RUFY3: variants seen among roughly 807,000 people sequenced by gnomAD.
RUFY3 encodes RUN and FYVE domain containing 3.
Under a neutral mutation model 84.0 loss-of-function variants are expected in RUFY3, and 34 were observed. That is an observed-to-expected ratio of 0.40 (90% CI 0.31 to 0.54). RUFY3 has a LOEUF of 0.54. Among genes scored for constraint, RUFY3 ranks in the 20% least tolerant of loss-of-function variants. RUFY3 has a pLI of 0.39. For synonymous variants in RUFY3, 242 were observed against 252.9 expected (o/e 0.96, Z 0.41); for missense variants, 507 against 736.8 (o/e 0.69, Z 3.61).
chr4:70,753,298 A>G (rs1723435237), intron 1 of RUFY3, among the ~76,000 whole-genome samples: 1 of 152,190 alleles, frequency 6.6e-6, no homozygotes, highest in East Asian at 1.9e-4. Context: ...TGATCAGTCT[A>G]GCTAAATGTC....
At chr4:70,781,745 A>C (rs1728958415) in intron 8 of RUFY3, among the ~76,000 whole-genome samples, 1 of 152,220 alleles carries the variant, frequency 6.6e-6, no homozygotes, top group Non-Finnish European at 1.5e-5. Flanking sequence ...CTCTGTGCTT[A>C]CCATGTTAGG....
At position 70,705,258 on chromosome 4, in the gene RUFY3, A is replaced by AGCG. The variant is rs758130707; in HGVS notation, c.334_336dup (p.Gly112dup). ...GCCCTTCCTGCTGCTGAGCTACCCG[A>AGCG]GCGGCGGCGGCGGCAGCAGCGGCAG... On this transcript the variant is annotated inframe_insertion, in exon 1 of 12. Coordinates refer to the RUFY3 transcript ENST00000417478. 249 of 1,439,620 alleles carry AGCG rather than the reference A, an allele frequency of 1.7e-4. 1 individual carries two copies. The highest frequency in any genetic ancestry group is 2.4e-4 in the Middle Eastern group (1 of 4,114). 89.2% of individuals were successfully genotyped at this position (1,439,620 alleles called of 1,614,324 possible). A position where few individuals can be genotyped will look rare whatever the true frequency, so the allele number is the denominator to read the frequency against.
chr4:70,762,319 A>T (rs1429005238), intron 1 of RUFY3, among the ~76,000 whole-genome samples, 200 bp from the exon 2 acceptor site: 1 of 152,204 alleles, frequency 6.6e-6, no homozygotes, highest in Non-Finnish European at 1.5e-5. Context: ...TGTCTCAAAG[A>T]AAAAAAGAAA....
At chr4:70,773,985 T>G (rs557733348) in intron 6 of RUFY3, among the ~76,000 whole-genome samples, 1 of 152,326 alleles carries the variant, frequency 6.6e-6, no homozygotes, top group East Asian at 1.9e-4. Flanking sequence ...TGAAGGTACA[T>G]GGGAACTCTG....
intron 1 of RUFY3, among the ~76,000 whole-genome samples, chr4:70,725,634 A>G (rs979285607): frequency 6.6e-6 from 1 of 152,136 alleles, no homozygotes; most frequent in African/African-American, 2.4e-5. Context: ...CCCGGCTTAT[A>G]TACTCTTATT....
upstream of RUFY3, among the ~76,000 whole-genome samples, chr4:70,720,490 C>T (rs2148581117): frequency 6.6e-6 from 1 of 152,246 alleles, no homozygotes; most frequent in South Asian, 2.1e-4. Flanking sequence ...AGCCATCCGC[C>T]CTGTCTTCGT....
At chr4:70,800,100 A>G (rs1471190164) in intron 14 of RUFY3, 41 bp from the exon 15 acceptor site, 2 of 1,573,532 alleles carry the variant, frequency 1.3e-6, no homozygotes, top group Admixed American at 3.6e-5. Context: ...ATTATTTAGC[A>G]TTCTGAATAA....
rs1732938801 is a variant in RUFY3 at position 70,807,283 on chromosome 4, T to G, written c.*624T>G. On this transcript the variant is annotated 3_prime_UTR_variant, in exon 18 of 18. Coordinates refer to ENST00000381006, the MANE Select transcript of RUFY3 (RefSeq NM_001037442.4). The stretch of plus-strand genomic sequence containing the variant: ...ATTTCAGGACCAGAATTTTCTGGTC[T>G]TTACCTACAAGGGTTTTCATTATCA... 1 of 152,136 alleles carries G rather than the reference T, an allele frequency of 6.6e-6. No homozygotes were observed. Among genetic ancestry groups the G allele is most frequent in the South Asian group, 2.1e-4 (1 of 4,826 alleles). 9.4% of individuals were successfully genotyped at this position (152,136 alleles called of 1,614,324 possible). A position where few individuals can be genotyped will look rare whatever the true frequency, so the allele number is the denominator to read the frequency against.
intron 1 of RUFY3, among the ~76,000 whole-genome samples, chr4:70,740,873 A>G (rs1040754170): frequency 6.6e-6 from 1 of 152,102 alleles, no homozygotes; most frequent in African/African-American, 2.4e-5. Context: ...AATGAAAAGC[A>G]TTTTTCACAA....
At chr4:70,796,076 CTA>C (rs1731463039) in intron 14 of RUFY3, among the ~76,000 whole-genome samples, 1 of 152,084 alleles carries the variant, frequency 6.6e-6, no homozygotes. Context: ...CCTCTAGTCT[CTA>C]GTCCCAGCTA....
At chr4:70,708,093 T>C (rs1448461759) in intron 1 of RUFY3, among the ~76,000 whole-genome samples, 2 of 152,252 alleles carry the variant, frequency 1.3e-5, no homozygotes, top group Non-Finnish European at 2.9e-5. Flanking sequence ...ATTGCACTCC[T>C]GCCTGAGCAA....
Position 70,806,811 on chromosome 4 carries a change from G to A in RUFY3, c.*152G>A. On this transcript the variant is annotated 3_prime_UTR_variant, in exon 18 of 18. Coordinates refer to ENST00000381006, the MANE Select transcript of RUFY3 (RefSeq NM_001037442.4). ...CCAGGGAGAAAAGGCAGTGGTTGGG[G>A]TTACTGGAAATTTTGCTCATTTTCT... The A allele has an allele frequency of 1.1e-6, 1 of 918,676 alleles. No homozygotes were observed. 56.9% of individuals were successfully genotyped at this position (918,676 alleles called of 1,614,324 possible).
At chr4:70,786,361 C>T (rs565468910) in intron 10 of RUFY3, among the ~76,000 whole-genome samples, 8 of 150,972 alleles carry the variant, frequency 5.3e-5, no homozygotes, top group Non-Finnish European at 7.4e-5. Context: ...CAATAATACA[C>T]ATTTTAATAT....
At chr4:70,766,911 A>C (rs1198831183) in intron 4 of RUFY3, among the ~76,000 whole-genome samples, 1 of 151,996 alleles carries the variant, frequency 6.6e-6, no homozygotes, top group East Asian at 1.9e-4. Flanking sequence ...TCCAACCCCT[A>C]ATAACCACTG....
intron 8 of RUFY3, among the ~76,000 whole-genome samples, chr4:70,778,948 CTG>C (rs1162499261): frequency 6.6e-6 from 1 of 152,164 alleles, no homozygotes; most frequent in Non-Finnish European, 1.5e-5. Context: ...CCCAATTAGA[CTG>C]TGTAGGGGCA....
At chr4:70,731,036 C>T (rs1719174103) in intron 1 of RUFY3, among the ~76,000 whole-genome samples, 1 of 149,602 alleles carries the variant, frequency 6.7e-6, no homozygotes, top group Non-Finnish European at 1.5e-5. Context: ...TTGGTGATTG[C>T]CATCTTTTTT....
chr4:70,791,945 T>G, intron 12 of RUFY3: 1 of 984,394 alleles, frequency 1.0e-6, no homozygotes, highest in Non-Finnish European at 1.2e-6. Context: ...CATCCTTATA[T>G]TTCTTTAAAA....
chr4:70,711,320 T>C (rs1031730502), intron 1 of RUFY3, among the ~76,000 whole-genome samples: 1 of 152,004 alleles, frequency 6.6e-6, no homozygotes, highest in Non-Finnish European at 1.5e-5. Flanking sequence ...AAGGCAAAAG[T>C]ACTTTATTGT....
At chr4:70,743,718 T>C (rs1230978003) in intron 1 of RUFY3, among the ~76,000 whole-genome samples, 1 of 152,160 alleles carries the variant, frequency 6.6e-6, no homozygotes, top group Non-Finnish European at 1.5e-5. Flanking sequence ...CTTCATGATC[T>C]TAATAGATTT....
Sources: allele counts gnomAD v4.1 joint callset (sites outside exome capture counted in the v4.1 genomes callset), GRCh38; gene constraint gnomAD v4.1.1; transcripts MANE v1.5; gene names NCBI Gene and HGNC (gene_info 2026-07-23, HGNC 2026-07-21).